Variants in GABBR1 observed in about 807,000 individuals in gnomAD.
The protein encoded by GABBR1 is GABA-B receptor, R1 subunit.
GABBR1 carries 35 observed loss-of-function variants against 117.7 expected under a neutral mutation model. The observed-to-expected ratio is 0.30, with a 90% CI of 0.23 to 0.39. GABBR1 has a LOEUF of 0.39. Ranked by LOEUF, GABBR1 falls within the 10% of genes least tolerant of loss-of-function variation. GABBR1 has a pLI of 1.00. For synonymous variants in GABBR1, 442 were observed against 486.6 expected (o/e 0.91, Z 1.21); for missense variants, 709 against 1,241.8 (o/e 0.57, Z 6.45).
Position 29,630,483 on chromosome 6 carries a change from C to T in GABBR1, c.450G>A (p.Trp150Ter). Residue 150 changes from tryptophan (W) to a stop codon, truncating the protein, a stop_gained, in exon 4 of 23, where the codon TGG (tryptophan) becomes TGA (stop). Transcript: ENST00000377034. LOFTEE classifies it high-confidence loss of function. The surrounding 1 kb of genome is among the most constrained non-coding windows in gnomAD (Gnocchi z 4.9). ...CCTGGCAGTGGGGCTTGGGGGTGCT[C>T]CACTGGCCCTGACTACAGATGCTCC... ...SSRSICSQGQ[W>*]STPKPHCQVN... 6.2e-7 allele frequency: 1 copy of T among 1,612,984 alleles called. No individual in the cohort carries two copies. The highest frequency in any genetic ancestry group is 8.5e-7 in the Non-Finnish European group (1 of 1,179,990).
At chr6:29,603,966 G>GA (rs1761684581) in intron 22 of GABBR1, among the ~76,000 whole-genome samples, 1 of 152,032 alleles carries the variant, frequency 6.6e-6, no homozygotes. Flanking sequence ...AAAACAAAAG[G>GA]AAAAAGTGGG....
intron 11 of GABBR1, among the ~76,000 whole-genome samples, chr6:29,616,411 A>G (rs1562100010): frequency 6.8e-6 from 1 of 146,544 alleles, no homozygotes; most frequent in Admixed American, 6.8e-5. Flanking sequence ...CTTGGCTTGG[A>G]GCAGTGGCTC....
At position 29,622,250 on chromosome 6, in the gene GABBR1, G is replaced by A. The variant is rs774355235; in HGVS notation, c.964-45C>T. The A allele has an allele frequency of 1.1e-5, 14 of 1,316,906 alleles. No individual in the cohort carries two copies. Among genetic ancestry groups the A allele is most frequent in the Admixed American group, 8.6e-5 (5 of 58,380 alleles). The allele number at this position is 1,316,906 out of a possible 1,614,324, so 81.6% of individuals were successfully genotyped here. On this transcript the variant is annotated intron_variant, in intron 8 of 22. Coordinates refer to ENST00000377034, the MANE Select transcript of GABBR1 (RefSeq NM_001470.4). The surrounding 1 kb of genome is among the most constrained non-coding windows in gnomAD (Gnocchi z 4.6). ...CAAGTTGGAAAAACACGGGGTGCATGAGGGAATAAAGACCAGAGAGGTTAA... is the reference window on the plus strand; with the variant it reads ...CAAGTTGGAAAAACACGGGGTGCATAAGGGAATAAAGACCAGAGAGGTTAA...
In GABBR1 at chr6:29,623,879, G is replaced by T. The variant is rs1399207095; in HGVS notation, c.792+11C>A. The T allele has an allele frequency of 6.2e-7, 1 of 1,611,822 alleles. No homozygotes were observed. On this transcript the variant is annotated intron_variant, in intron 7 of 22. Transcript: ENST00000377034. The surrounding 1 kb of genome is among the most constrained non-coding windows in gnomAD (Gnocchi z 6.2). ...ATGACCCCATCTTCTGACCCCCATAGCCCTGCTTACCACAATGAGGTTCCA... is the reference window on the plus strand; with the variant it reads ...ATGACCCCATCTTCTGACCCCCATATCCCTGCTTACCACAATGAGGTTCCA...
At position 29,605,391 on chromosome 6, in the gene GABBR1, T is replaced by C. The variant is rs1761845193; in HGVS notation, c.2439+178A>G. The C allele has an allele frequency of 2.8e-6, 2 of 714,260 alleles. No homozygotes were observed. The highest frequency in any genetic ancestry group is 3.5e-5 in the African/African-American group (2 of 56,812). 44.2% of individuals were successfully genotyped at this position (714,260 alleles called of 1,614,324 possible). A position where few individuals can be genotyped will look rare whatever the true frequency, so the allele number is the denominator to read the frequency against. ...CACTGGGTAGTTGCAAGATTAATGA[T>C]ACAATGTCTGTAGTGAGCTTTGTAA... On this transcript the variant is annotated intron_variant, in intron 20 of 22. Coordinates refer to ENST00000377034, the MANE Select transcript of GABBR1 (RefSeq NM_001470.4). The surrounding 1 kb of genome is among the most constrained non-coding windows in gnomAD (Gnocchi z 4.2).
intron 16 of GABBR1, 103 bp downstream of exon 16, chr6:29,608,498 G>A (rs1582957489): frequency 8.0e-7 from 1 of 1,247,004 alleles, no homozygotes; most frequent in Non-Finnish European, 1.1e-6. Context: ...AAGAGTCAGG[G>A]AAAGCTGAGG....
At position 29,602,758 on chromosome 6, in the gene GABBR1, G is replaced by T. The variant is rs1761498069; in HGVS notation, c.*785C>A. On this transcript the variant is annotated 3_prime_UTR_variant, in exon 23 of 23. Transcript: ENST00000377034. ...GTGCAAATAGGAAAGACATGACTCA[G>T]CATGCTAGACAAATTGCACATGCCT... 2.9e-6 allele frequency: 1 copy of T among 345,292 alleles called. No individual in the cohort carries two copies. The highest frequency in any genetic ancestry group is 2.1e-5 in the African/African-American group (1 of 46,598). The allele number at this position is 345,292 out of a possible 1,614,324, so 21.4% of individuals were successfully genotyped here. A position where few individuals can be genotyped will look rare whatever the true frequency, so the allele number is the denominator to read the frequency against.
In GABBR1 at chr6:29,631,654, G is replaced by T; in HGVS notation, c.86-55C>A. 6.5e-7 allele frequency: 1 copy of T among 1,535,396 alleles called. No individual in the cohort carries two copies. Among genetic ancestry groups the T allele is most frequent in the Non-Finnish European group, 9.0e-7 (1 of 1,109,466 alleles). On this transcript the variant is annotated intron_variant, in intron 2 of 22. Coordinates refer to ENST00000377034, the MANE Select transcript of GABBR1 (RefSeq NM_001470.4). The surrounding 1 kb of genome is among the most constrained non-coding windows in gnomAD (Gnocchi z 5.9). ...GAGGAATGGTGGGAAAGAGGAAAAGGCAGGCTCCCCAGTGGGAGGAAGGGG... is the reference window on the plus strand; with the variant it reads ...GAGGAATGGTGGGAAAGAGGAAAAGTCAGGCTCCCCAGTGGGAGGAAGGGG...
rs907782643 is a variant in GABBR1, at chr6:29,632,444, G to A, written c.1-59C>T. 2 of 1,258,538 alleles carry A rather than the reference G, an allele frequency of 1.6e-6. No homozygotes were observed. Among genetic ancestry groups the A allele is most frequent in the Admixed American group, 4.1e-5 (1 of 24,516 alleles). The allele number at this position is 1,258,538 out of a possible 1,614,324, so 78.0% of individuals were successfully genotyped here. Reference sequence around the variant, plus strand: ...GCCCCGCCGGCGCGGCCCGCACCCGGAGACTACTCGACCTCTTGCCGGTTG... The same window carrying A: ...GCCCCGCCGGCGCGGCCCGCACCCGAAGACTACTCGACCTCTTGCCGGTTG... On this transcript the variant is annotated intron_variant, in intron 1 of 22. Coordinates refer to ENST00000377034, the MANE Select transcript of GABBR1 (RefSeq NM_001470.4). This position sits in a 1 kb window ranked among gnomAD's most constrained non-coding sequence, Gnocchi z 5.8.
chr6:29,622,340 A>G lies in GABBR1; in HGVS notation c.964-135T>C. 1 of 657,568 alleles carries G rather than the reference A, an allele frequency of 1.5e-6. No individual in the cohort carries two copies. The highest frequency in any genetic ancestry group is 1.8e-5 in the South Asian group (1 of 56,966). 40.7% of individuals were successfully genotyped at this position (657,568 alleles called of 1,614,324 possible). Reference sequence around the variant, plus strand: ...CAGCCATTCTGAACCTTCCTTCAACAGCTTCTGTCCCTGAAGTGAGGAGTT... The same window carrying G: ...CAGCCATTCTGAACCTTCCTTCAACGGCTTCTGTCCCTGAAGTGAGGAGTT... On this transcript the variant is annotated intron_variant, in intron 8 of 22. Transcript: ENST00000377034. This position sits in a 1 kb window ranked among gnomAD's most constrained non-coding sequence, Gnocchi z 4.6.
rs753148339 is a variant in GABBR1 at position 29,623,232 on chromosome 6, ACT to A, written c.963+71_963+72del. On this transcript the variant is annotated intron_variant, in intron 8 of 22. Transcript: ENST00000377034. This position sits in a 1 kb window ranked among gnomAD's most constrained non-coding sequence, Gnocchi z 6.2. ...AATCAAGTTCTTGCCCCTAAAAGTG[ACT>A]CTCACGTCACATCTCCTGGTGCTGG... is the stretch of plus-strand genomic sequence containing the variant. 157 of 1,368,976 alleles carry A rather than the reference ACT, an allele frequency of 1.1e-4. No homozygotes were observed. Among genetic ancestry groups the A allele is most frequent in the Non-Finnish European group, 1.5e-4 (147 of 987,552 alleles). The allele number at this position is 1,368,976 out of a possible 1,614,324, so 84.8% of individuals were successfully genotyped here. A position where few individuals can be genotyped will look rare whatever the true frequency, so the allele number is the denominator to read the frequency against.
Position 29,630,708 on chromosome 6 carries a change from AG to A in GABBR1, c.290-66del. 2.1e-6 allele frequency: 3 copies of A among 1,399,316 alleles called. No individual in the cohort carries two copies. The Admixed American group carries it at 5.9e-5, about 27-fold the overall frequency. The allele number at this position is 1,399,316 out of a possible 1,614,324, so 86.7% of individuals were successfully genotyped here. A position where few individuals can be genotyped will look rare whatever the true frequency, so the allele number is the denominator to read the frequency against. ...AGAAGGCTCTTTCCCTTTAAAGAGC[AG>A]GGGACTCAGGTGCAGGTTTGGGTCC... is the stretch of plus-strand genomic sequence containing the variant. On this transcript the variant is annotated intron_variant, in intron 3 of 22. Coordinates refer to ENST00000377034, the MANE Select transcript of GABBR1 (RefSeq NM_001470.4). The surrounding 1 kb of genome is among the most constrained non-coding windows in gnomAD (Gnocchi z 4.9).
chr6:29,613,057 T>C lies in GABBR1; in HGVS notation c.1566+186A>G, dbSNP rs17184388. The stretch of plus-strand genomic sequence containing the variant: ...GAGGGGTTTAAAAAAATGGAATACA[T>C]CATTTTTTTTCCTCTAGTCTTTGAT... On this transcript the variant is annotated intron_variant, in intron 12 of 22. Coordinates refer to ENST00000377034, the MANE Select transcript of GABBR1 (RefSeq NM_001470.4). The surrounding 1 kb of genome is among the most constrained non-coding windows in gnomAD (Gnocchi z 4.1). Among the ~76,000 whole-genome samples, 2,448 of 152,294 alleles carry C rather than the reference T, an allele frequency of 0.016. 40 individuals are homozygous for C. The highest frequency in any genetic ancestry group is 0.034 in the African/African-American group (1,420 of 41,544).
Position 29,607,123 on chromosome 6 carries a change from T to A in GABBR1, c.2088A>T (p.Glu696Asp). 1 of 1,614,146 alleles carries A rather than the reference T, an allele frequency of 6.2e-7. No individual in the cohort carries two copies. The highest frequency in any genetic ancestry group is 8.5e-7 in the Non-Finnish European group (1 of 1,179,994). Residue 696 changes from glutamate (E) to aspartate (D), a missense_variant, in exon 17 of 23, where the codon GAA becomes GAT. By Grantham distance (45) the Glu-to-Asp change is conservative. Coordinates refer to ENST00000377034, the MANE Select transcript of GABBR1 (RefSeq NM_001470.4). This position sits in a 1 kb window ranked among gnomAD's most constrained non-coding sequence, Gnocchi z 5.0. ...WWVHTVFTKKEEKKEWRKTLE... is the reference protein window; with the variant it reads ...WWVHTVFTKKDEKKEWRKTLE... ...TCACCTTCCTCCACTCCTTCTTTTC[T>A]TCCTTCTTTGTGAAGACCGTGTGGA...
In GABBR1 at chr6:29,613,119, C is replaced by T. The variant is rs1762724693; in HGVS notation, c.1566+124G>A. 6 of 1,067,606 alleles carry T rather than the reference C, an allele frequency of 5.6e-6. No individual in the cohort carries two copies. Among genetic ancestry groups the T allele is most frequent in the East Asian group, 4.8e-5 (2 of 41,862 alleles). 66.1% of individuals were successfully genotyped at this position (1,067,606 alleles called of 1,614,324 possible). A position where few individuals can be genotyped will look rare whatever the true frequency, so the allele number is the denominator to read the frequency against. On this transcript the variant is annotated intron_variant, in intron 12 of 22. Coordinates refer to ENST00000377034, the MANE Select transcript of GABBR1 (RefSeq NM_001470.4). The surrounding 1 kb of genome is among the most constrained non-coding windows in gnomAD (Gnocchi z 4.1). Reference sequence around the variant, plus strand: ...ATTTGAAGGTCCCTACTTCTCTGGTCGGAGACTGATTCTGCAAAGAAGTAA... The same window carrying T: ...ATTTGAAGGTCCCTACTTCTCTGGTTGGAGACTGATTCTGCAAAGAAGTAA...
intron 11 of GABBR1, among the ~76,000 whole-genome samples, chr6:29,614,230 A>G (rs1266871257): frequency 6.6e-6 from 1 of 152,216 alleles, no homozygotes; most frequent in African/African-American, 2.4e-5. Flanking sequence ...TGGCTAAATA[A>G]CTGTAAGTAA....
At chr6:29,624,276 A>G (rs1764052131) in intron 6 of GABBR1, 3 of 383,030 alleles carry the variant, frequency 7.8e-6, no homozygotes, top group South Asian at 9.1e-5. Context: ...CTCCTTTGGT[A>G]TTAATGAACA....
intron 5 of GABBR1, chr6:29,628,239 G>A (rs1764569921): frequency 2.1e-6 from 2 of 951,424 alleles, no homozygotes; most frequent in African/African-American, 1.8e-5. Context: ...AAAGAGGAAG[G>A]GAGGGATCTC....
intron 4 of GABBR1, among the ~76,000 whole-genome samples, chr6:29,629,564 C>A (rs186617269): frequency 1.3e-4 from 20 of 152,212 alleles, no homozygotes; most frequent in African/African-American, 4.8e-4. Context: ...AGGTGAGGAA[C>A]CTTGAAGTCT....
Sources: gnomAD v4.1 joint callset for allele counts (sites outside exome capture counted in the v4.1 genomes callset) on GRCh38, gnomAD v4.1.1 for gene constraint, Gnocchi (gnomAD v3.1) non-coding constraint, MANE v1.5 for transcripts, NCBI Gene and HGNC (gene_info 2026-07-23, HGNC 2026-07-21) for gene names.